The following CCNH variants were observed in gnomAD, a reference collection of about 807,000 sequenced individuals.
The protein encoded by CCNH is cyclin-H.
In CCNH, 31 loss-of-function variants were observed where a neutral mutation model predicts 41.9. That is an observed-to-expected ratio of 0.74 (90% CI 0.56 to 1.00). The LOEUF (loss-of-function observed/expected upper bound fraction) is 1.00. Ranked by LOEUF, CCNH falls within the 50% of genes least tolerant of loss-of-function variation. CCNH has a pLI of 0.00. For missense variants in CCNH, 362 were observed against 388.4 expected (o/e 0.93, Z 0.57); for synonymous variants, 138 against 136.1 (o/e 1.01, Z -0.10).
At chr5:87,373,490 G>T (rs556443717), downstream of CCNH, among the ~76,000 whole-genome samples, 2 of 152,174 alleles carry the variant, frequency 1.3e-5, no homozygotes, top group African/African-American at 2.4e-5. Flanking sequence ...TAACTAGTTT[G>T]TAATACTTAT....
At chr5:87,355,565 C>T (rs1759590813) in intron 9 of CCNH, among the ~76,000 whole-genome samples, 1 of 152,182 alleles carries the variant, frequency 6.6e-6, no homozygotes, top group South Asian at 2.1e-4. Flanking sequence ...TAGAGATGTA[C>T]AAGGAGATTG....
chr5:87,356,149 T>C (rs954654813), intron 9 of CCNH, among the ~76,000 whole-genome samples: 2 of 152,212 alleles, frequency 1.3e-5, no homozygotes, highest in African/African-American at 4.8e-5. Flanking sequence ...GGAGGAATGC[T>C]TCCAGTTTTG....
intron 9 of CCNH, among the ~76,000 whole-genome samples, chr5:87,351,061 C>T (rs898827955): frequency 6.6e-5 from 10 of 151,566 alleles, no homozygotes; most frequent in Non-Finnish European, 4.4e-5. Context: ...CACAGCCATA[C>T]TCTGCTGTCC....
downstream of CCNH, chr5:87,386,690 A>G (rs547267584): frequency 1.2e-4 from 84 of 718,886 alleles, no homozygotes; most frequent in African/African-American, 1.3e-3. Flanking sequence ...TGCTACATGT[A>G]TGGGTTTTGC....
At chr5:87,349,434 C>T (rs1580326123) in intron 9 of CCNH, 1 of 1,529,056 alleles carries the variant, frequency 6.5e-7, no homozygotes, top group Non-Finnish European at 9.0e-7. Flanking sequence ...ATACAGTATT[C>T]AGAGTCAAAA....
intron 7 of CCNH, among the ~76,000 whole-genome samples, chr5:87,397,473 A>G (rs912383827): frequency 2.0e-5 from 3 of 152,154 alleles, no homozygotes; most frequent in Non-Finnish European, 2.9e-5. Context: ...GAAATTTTTA[A>G]TAGCAATTTG....
chr5:87,391,171 T>C, downstream of CCNH: 4 of 520,576 alleles, frequency 7.7e-6, no homozygotes, highest in Non-Finnish European at 1.4e-5. Flanking sequence ...GCTATGACTG[T>C]ATCTTGATAT....
At chr5:87,352,508 C>T (rs944775144) in intron 9 of CCNH, among the ~76,000 whole-genome samples, 5 of 151,590 alleles carry the variant, frequency 3.3e-5, no homozygotes, top group Admixed American at 6.6e-5. Context: ...TAAAAAAATA[C>T]GTGGTTCACT....
downstream of CCNH, among the ~76,000 whole-genome samples, chr5:87,390,588 T>C (rs112501549): frequency 1.3e-5 from 2 of 152,270 alleles, no homozygotes. Flanking sequence ...ACAAACAAAT[T>C]TCTGTTCACT....
chr5:87,344,050 G>A (rs939658339), intron 9 of CCNH, among the ~76,000 whole-genome samples: 4 of 152,034 alleles, frequency 2.6e-5, no homozygotes, highest in African/African-American at 9.7e-5. Context: ...GTAGAATGAT[G>A]GTTACCAAAA....
At chr5:87,350,956 G>A (rs2112425853) in intron 9 of CCNH, among the ~76,000 whole-genome samples, 1 of 151,734 alleles carries the variant, frequency 6.6e-6, no homozygotes, top group Non-Finnish European at 1.5e-5. Context: ...TGTTAGTAAT[G>A]TCAGAAATAA....
chr5:87,338,536 A>ATATATATATATATATATATTT, intron 9 of CCNH, among the ~76,000 whole-genome samples: 19 of 85,204 alleles, frequency 2.2e-4, no homozygotes, highest in South Asian at 7.8e-4. Flanking sequence ...TATATATAAA[A>ATATATATATATATATATATTT]TTTTTTTTTT....
chr5:87,377,132 GTTAAA>G (rs1282472958), exon 1 of CCNH: 10 of 1,456,060 alleles, frequency 6.9e-6, no homozygotes, highest in African/African-American at 2.8e-5. Context: ...ATACTAAATT[GTTAAA>G]TTATATTGCA....
chr5:87,316,182 G>T (rs956113605), downstream of CCNH, among the ~76,000 whole-genome samples: 1 of 152,164 alleles, frequency 6.6e-6, no homozygotes, highest in Non-Finnish European at 1.5e-5. Flanking sequence ...TATGACGAAT[G>T]GTTAGCTTGT....
chr5:87,328,190 A>T (rs561632273), intron 9 of CCNH, among the ~76,000 whole-genome samples: 1 of 152,302 alleles, frequency 6.6e-6, no homozygotes, highest in East Asian at 1.9e-4. Flanking sequence ...CACAAATGTG[A>T]GCAGATTGAT....
In CCNH at chr5:87,412,854, C is replaced by T; in HGVS notation, c.-60G>A. 1 of 1,588,412 alleles carries T rather than the reference C, an allele frequency of 6.3e-7. No homozygotes were observed. On this transcript the variant is annotated 5_prime_UTR_variant, in exon 1 of 9. Coordinates refer to ENST00000256897, the MANE Select transcript of CCNH (RefSeq NM_001239.4). ...ACGAGAACCCAAACGCATCAGCGTC[C>T]TGGCGTAAAACACCCGTACCCCCAC... is the stretch of plus-strand genomic sequence containing the variant.
At chr5:87,411,103 A>C in intron 2 of CCNH, 121 bp downstream of exon 2, 1 of 1,023,194 alleles carries the variant, frequency 9.8e-7, no homozygotes, top group South Asian at 2.2e-5. Context: ...ATAATGTGCC[A>C]AAAACTAATT....
At chr5:87,374,147 ATTTT>A (rs377722838), downstream of CCNH, 4 of 1,006,684 alleles carry the variant, frequency 4.0e-6, no homozygotes, top group East Asian at 3.9e-5. Flanking sequence ...ATATATATAT[ATTTT>A]TTTTTTTTTA....
intron 9 of CCNH, among the ~76,000 whole-genome samples, chr5:87,383,506 G>A (rs537493271): frequency 6.6e-6 from 1 of 152,026 alleles, no homozygotes; most frequent in Non-Finnish European, 1.5e-5. Context: ...ATACATTCAA[G>A]AAGCAGATAT....
Sources: allele counts gnomAD v4.1 joint callset (sites outside exome capture counted in the v4.1 genomes callset), GRCh38; gene constraint gnomAD v4.1.1; transcripts MANE v1.5; gene names NCBI Gene and HGNC (gene_info 2026-07-23, HGNC 2026-07-21).